The following CTDSPL variants were observed in gnomAD, a reference collection of about 807,000 sequenced individuals.
CTDSPL encodes CTD small phosphatase like.
CTDSPL carries 8 observed loss-of-function variants against 30.5 expected under a neutral mutation model. The ratio of observed to expected loss-of-function variants is 0.26; its 90% CI spans 0.15 to 0.47. The LOEUF (loss-of-function observed/expected upper bound fraction) is 0.47. Among genes scored for constraint, CTDSPL ranks in the 20% least tolerant of loss-of-function variants. CTDSPL has a pLI of 0.99. For missense variants in CTDSPL, 248 were observed against 366.1 expected, an observed-to-expected ratio of 0.68 and a Z score of 2.63; for synonymous variants, 110 against 137.9, an observed-to-expected ratio of 0.80 and a Z score of 1.42.
At chr3:37,900,987 G>A (rs1435790044) in intron 1 of CTDSPL, among the ~76,000 whole-genome samples, 1 of 152,056 alleles carries the variant, frequency 6.6e-6, no homozygotes, top group Non-Finnish European at 1.5e-5. Flanking sequence ...AGTAGAGACG[G>A]GGTTTCACCA....
At chr3:37,927,670 G>GTGTATA (rs1553684198) in intron 1 of CTDSPL, among the ~76,000 whole-genome samples, 26 of 123,066 alleles carry the variant, frequency 2.1e-4, no homozygotes, top group Non-Finnish European at 3.8e-4. Context: ...GTGTGTGTGT[G>GTGTATA]TGTGTGTGTA....
intron 1 of CTDSPL, among the ~76,000 whole-genome samples, chr3:37,885,551 A>G (rs1575281699): frequency 6.6e-6 from 1 of 152,116 alleles, no homozygotes. Context: ...GGGTAGCAGG[A>G]AGTTTGCTGA....
chr3:37,945,814 T>TAACA lies in CTDSPL; in HGVS notation c.80-1242_80-1239dup, dbSNP rs1575311597. Among the ~76,000 whole-genome samples the TAACA allele has an allele frequency of 2.0e-5, 3 of 152,368 alleles. No individual in the cohort carries two copies. The East Asian group carries it at 5.8e-4, about 29-fold the overall frequency. Reference sequence around the variant, plus strand: ...ATTCATATCTGTGGAGTTGCTGGAATAACAGCTTTTCAGTCCCTTTTCAGA... The same window carrying TAACA: ...ATTCATATCTGTGGAGTTGCTGGAATAACAAACAGCTTTTCAGTCCCTTTTCAGA... On this transcript the variant is annotated intron_variant, in intron 1 of 7. Transcript: ENST00000273179.
intron 4 of CTDSPL, among the ~76,000 whole-genome samples, chr3:37,966,846 C>G (rs1206488521): frequency 6.6e-6 from 1 of 152,136 alleles, no homozygotes; most frequent in African/African-American, 2.4e-5. Context: ...CCAGAGGCCA[C>G]CACACACACC....
chr3:37,976,424 G>C (rs749360605), intron 7 of CTDSPL, among the ~76,000 whole-genome samples: 4 of 152,022 alleles, frequency 2.6e-5, no homozygotes, highest in Non-Finnish European at 5.9e-5. Context: ...ACAAGGTCAG[G>C]AGATCGAGAC....
At chr3:37,976,923 G>A (rs191627754) in intron 7 of CTDSPL, among the ~76,000 whole-genome samples, 1 of 152,072 alleles carries the variant, frequency 6.6e-6, no homozygotes, top group African/African-American at 2.4e-5. Context: ...CCTAGACCAG[G>A]CATTTTTCCC....
At chr3:37,871,914 C>T (rs1698075625) in intron 1 of CTDSPL, among the ~76,000 whole-genome samples, 1 of 152,152 alleles carries the variant, frequency 6.6e-6, no homozygotes, top group Non-Finnish European at 1.5e-5. Flanking sequence ...AGCACATCCA[C>T]TGAGATTTTT....
intron 1 of CTDSPL, among the ~76,000 whole-genome samples, chr3:37,872,826 G>A (rs983651421): frequency 1.3e-5 from 2 of 152,052 alleles, no homozygotes; most frequent in Non-Finnish European, 1.5e-5. Context: ...GCCCGCCCTG[G>A]CCTCCCAAAG....
chr3:37,976,763 G>A (rs1466794799), intron 7 of CTDSPL, among the ~76,000 whole-genome samples: 1 of 152,166 alleles, frequency 6.6e-6, no homozygotes, highest in Non-Finnish European at 1.5e-5. Context: ...CTGGACCATG[G>A]CAGCTCTCGG....
chr3:37,927,717 T>A (rs1698801685), intron 1 of CTDSPL, among the ~76,000 whole-genome samples: 1 of 144,636 alleles, frequency 6.9e-6, no homozygotes, highest in African/African-American at 2.7e-5. Context: ...AAAAATGAAA[T>A]CTACCCTCTT....
At chr3:37,914,279 A>G (rs185245009) in intron 1 of CTDSPL, among the ~76,000 whole-genome samples, 1 of 152,296 alleles carries the variant, frequency 6.6e-6, no homozygotes, top group African/African-American at 2.4e-5. Flanking sequence ...TAGTTTAGGA[A>G]TTTATCTGCA....
intron 1 of CTDSPL, among the ~76,000 whole-genome samples, chr3:37,907,199 C>G (rs1698528593): frequency 6.6e-6 from 1 of 152,202 alleles, no homozygotes; most frequent in Non-Finnish European, 1.5e-5. Flanking sequence ...CAAACTGCAG[C>G]AGCCGCCTTC....
In CTDSPL at chr3:37,960,497, A is replaced by T. The variant is rs1559645068; in HGVS notation, c.267+3354A>T. ...CTCTGTCTCAAAAAAAAAAAAAAAA[A>T]AAAAAAAAATATATATATATATATA... On this transcript the variant is annotated intron_variant, in intron 3 of 7. Transcript: ENST00000273179. Among the ~76,000 whole-genome samples the T allele has an allele frequency of 7.5e-5, 5 of 66,896 alleles. No individual in the cohort carries two copies. In the South Asian group the frequency reaches 1.7e-3, roughly 23 times the overall value. 43.9% of individuals were successfully genotyped at this position (66,896 alleles called of 152,430 possible). A position where few individuals can be genotyped will look rare whatever the true frequency, so the allele number is the denominator to read the frequency against.
At chr3:37,881,085 G>A (rs1698198558) in intron 1 of CTDSPL, among the ~76,000 whole-genome samples, 1 of 151,390 alleles carries the variant, frequency 6.6e-6, no homozygotes, top group South Asian at 2.1e-4. Flanking sequence ...GTTTCAGCTT[G>A]GAAGAAGCTT....
intron 2 of CTDSPL, among the ~76,000 whole-genome samples, chr3:37,947,504 G>A (rs1699053656): frequency 6.6e-6 from 1 of 152,110 alleles, no homozygotes; most frequent in Non-Finnish European, 1.5e-5. Context: ...AGGTTGCAGT[G>A]AGCCAAGATC....
At chr3:37,870,617 C>T (rs1698061295) in intron 1 of CTDSPL, among the ~76,000 whole-genome samples, 1 of 151,952 alleles carries the variant, frequency 6.6e-6, no homozygotes, top group African/African-American at 2.4e-5. Flanking sequence ...TTATTTTGCT[C>T]TTCTTTTTCT....
intron 7 of CTDSPL, among the ~76,000 whole-genome samples, chr3:37,978,709 A>G (rs1290723442): frequency 1.3e-5 from 2 of 152,202 alleles, no homozygotes; most frequent in African/African-American, 4.8e-5. Context: ...TTAAACAACA[A>G]GATGTTCCAG....
At chr3:37,949,061 C>G (rs965776470) in intron 2 of CTDSPL, among the ~76,000 whole-genome samples, 4 of 151,176 alleles carry the variant, frequency 2.6e-5, no homozygotes, top group Non-Finnish European at 5.9e-5. Context: ...ACCTCATGAT[C>G]CACCCGCCTC....
chr3:37,871,788 C>G (rs1698074071), intron 1 of CTDSPL, among the ~76,000 whole-genome samples: 1 of 152,122 alleles, frequency 6.6e-6, no homozygotes, highest in Admixed American at 6.6e-5. Context: ...TTTATCCATA[C>G]TGAGCTTTTT....
Sources: gnomAD v4.1 joint callset for allele counts (sites outside exome capture counted in the v4.1 genomes callset) on GRCh38, gnomAD v4.1.1 for gene constraint, MANE v1.5 for transcripts, NCBI Gene and HGNC (gene_info 2026-07-23, HGNC 2026-07-21) for gene names.